UGDH: variants seen among roughly 807,000 people sequenced by gnomAD.
UGDH encodes UDP-Glc dehydrogenase.
Under a neutral mutation model 50.6 loss-of-function variants are expected in UGDH, and 38 were observed. That is an observed-to-expected ratio of 0.75 (90% CI 0.58 to 0.98). The LOEUF is 0.98. UGDH is among the 50% of genes least tolerant of loss of function. The pLI is 0.00. For synonymous variants in UGDH, 168 were observed against 199.9 expected (o/e 0.84, Z 1.35); for missense variants, 465 against 606.2 (o/e 0.77, Z 2.45).
chr4:39,502,922 A>T (rs114898413), intron 11 of UGDH, among the ~76,000 whole-genome samples: 6,104 of 146,786 alleles, frequency 0.042, 169 homozygotes, highest in Middle Eastern at 0.14. Context: ...AATTTTTATT[A>T]TTTTTTTTTC....
chr4:39,503,569 A>G (rs767988055), intron 11 of UGDH, among the ~76,000 whole-genome samples: 13 of 152,178 alleles, frequency 8.5e-5, no homozygotes, highest in Non-Finnish European at 1.9e-4. Context: ...GGGACTTCCT[A>G]AAGAACTGAC....
At chr4:39,517,981 T>G (rs1320481407) in intron 2 of UGDH, among the ~76,000 whole-genome samples, 2 of 152,164 alleles carry the variant, frequency 1.3e-5, no homozygotes, top group Non-Finnish European at 2.9e-5. Context: ...AACGCTGGAG[T>G]GCAGTGGTGC....
At position 39,500,154 on chromosome 4, in the gene UGDH, G is replaced by A; in HGVS notation, c.1474C>T (p.Pro492Ser). The A allele has an allele frequency of 2.5e-6, 4 of 1,574,818 alleles. No individual in the cohort carries two copies. The highest frequency in any genetic ancestry group is 1.2e-5 in the South Asian group (1 of 83,788). ...AAAAATGGCAATCTCTACACTTTAG[G>A]TTTCTTGTTAGGTGGATCTTGAAGA... ...FSLQDPPNKK[P>S]KV Residue 492 changes from proline (P) to serine (S), a missense_variant, in exon 12 of 12, where the codon CCT becomes TCT. Coordinates refer to ENST00000316423, the MANE Select transcript of UGDH (RefSeq NM_003359.4).
Position 39,513,531 on chromosome 4 carries a change from C to CTTT in UGDH, c.264+549_264+551dup, listed in dbSNP as rs10707997. Among the ~76,000 whole-genome samples, 190 of 88,014 alleles carry CTTT rather than the reference C, an allele frequency of 2.2e-3. 2 individuals carry two copies. Among genetic ancestry groups the CTTT allele is most frequent in the African/African-American group, 3.8e-3 (89 of 23,242 alleles). 57.7% of individuals were successfully genotyped at this position (88,014 alleles called of 152,430 possible). ...CTCATGTTACCAGCATTTCCTAGTT[C>CTTT]TTTTTTTTTTTTTTTTTTTTTTTTG... On this transcript the variant is annotated intron_variant, in intron 3 of 11. Transcript: ENST00000316423.
intron 1 of UGDH, 92 bp downstream of exon 1, chr4:39,527,191 C>G (rs904535646): frequency 4.2e-6 from 5 of 1,177,924 alleles, no homozygotes; most frequent in African/African-American, 3.2e-5. Context: ...CCGGGAGCAG[C>G]GCGCACACCC....
chr4:39,520,468 A>C (rs966243431), intron 2 of UGDH, among the ~76,000 whole-genome samples: 1 of 151,216 alleles, frequency 6.6e-6, no homozygotes, highest in South Asian at 2.1e-4. Flanking sequence ...AATATGATGA[A>C]CTCATTTTAC....
In UGDH at chr4:39,510,466, C is replaced by T; in HGVS notation, c.550G>A (p.Glu184Lys). The change falls in exon 5 of 12, where the codon GAA becomes AAA. Residue 184 changes from glutamate to lysine, a missense_variant. Coordinates refer to ENST00000316423, the MANE Select transcript of UGDH (RefSeq NM_003359.4). ...ACAGCTCTCTGGCCCTCTGGAGTTT[C>T]ATCCCCTCCAATCAGTACTCTGTCT... ...NPDRVLIGGDETPEGQRAVQA... is the reference protein window; with the variant it reads ...NPDRVLIGGDKTPEGQRAVQA... 1 of 1,614,218 alleles carries T rather than the reference C, an allele frequency of 6.2e-7. No individual in the cohort carries two copies. The highest frequency in any genetic ancestry group is 8.5e-7 in the Non-Finnish European group (1 of 1,180,038).
In UGDH at chr4:39,502,851, A is replaced by G. The variant is rs1745875333; in HGVS notation, c.1374+1024T>C. Among the ~76,000 whole-genome samples the G allele has an allele frequency of 2.0e-5, 3 of 152,028 alleles. No individual in the cohort carries two copies. The South Asian group carries it at 6.2e-4, about 32-fold the overall frequency. ...AACCTCTGCCTGCTGGGCTCAAGCA[A>G]TCCTCCCACGTCAGCCTCCCATGTG... On this transcript the variant is annotated intron_variant, in intron 11 of 11. Transcript: ENST00000316423.
In UGDH at chr4:39,500,242, A is replaced by G. The variant is rs1227587520; in HGVS notation, c.1386T>C (p.Ile462=). The part of the protein sequence containing the change: ...LQTIGFQIET[I]GKKVSSKRIP... ...TTCTCTTTGAAGACACCTTTTTGCC[A>G]ATTGTTTCAATCTGAAAAAAAAATA... The change falls in exon 12 of 12, where the codon ATT becomes ATC. Residue 462 remains isoleucine, a synonymous_variant. Coordinates refer to ENST00000316423, the MANE Select transcript of UGDH (RefSeq NM_003359.4). 6.3e-7 allele frequency: 1 copy of G among 1,585,014 alleles called. No homozygotes were observed.
intron 1 of UGDH, among the ~76,000 whole-genome samples, chr4:39,523,930 C>G (rs11733220): frequency 6.6e-6 from 1 of 152,280 alleles, no homozygotes; most frequent in Non-Finnish European, 1.5e-5. Context: ...TTGCTATCCC[C>G]TACTTTGCTT....
At chr4:39,502,160 A>G (rs1289137709) in intron 11 of UGDH, among the ~76,000 whole-genome samples, 1 of 152,204 alleles carries the variant, frequency 6.6e-6, no homozygotes, top group Non-Finnish European at 1.5e-5. Flanking sequence ...AATGAGAGAA[A>G]ATGTGTCTAT....
chr4:39,508,886 C>T (rs549523207), intron 6 of UGDH, among the ~76,000 whole-genome samples: 1 of 150,460 alleles, frequency 6.6e-6, no homozygotes, highest in African/African-American at 2.5e-5. Flanking sequence ...ATTATGGCTA[C>T]GTTTAACTTT....
intron 2 of UGDH, among the ~76,000 whole-genome samples, chr4:39,515,489 C>A (rs1746406102): frequency 9.0e-6 from 1 of 111,376 alleles, no homozygotes; most frequent in Non-Finnish European, 1.9e-5. Context: ...TTGCAAGGAA[C>A]CCTTTTATTT....
intron 1 of UGDH, among the ~76,000 whole-genome samples, chr4:39,524,429 A>T (rs1376170289): frequency 6.6e-6 from 1 of 152,000 alleles, no homozygotes; most frequent in Non-Finnish European, 1.5e-5. Flanking sequence ...TGAGATGAAG[A>T]CTTCTGTGTA....
chr4:39,512,796 G>A (rs574635573), intron 3 of UGDH, among the ~76,000 whole-genome samples: 4 of 151,052 alleles, frequency 2.6e-5, no homozygotes, highest in African/African-American at 9.7e-5. Context: ...AAGTGATTAA[G>A]GAGGTCAAAA....
rs1287358288 is a variant in UGDH at position 39,509,853 on chromosome 4, G to T, written c.718C>A (p.Leu240Met). ...ACATCAGCTCCTGTTGCTTCACACA[G>T]AGCACTTATGGAGTTAATGCTGCTT... ...RISSINSISA[L>M]CEATGADVEE... The change falls in exon 6 of 12, where the codon CTG (leucine) becomes ATG (methionine). Residue 240 changes from leucine (L) to methionine (M), a missense_variant. Physicochemically the swap from Leu to Met is conservative, Grantham distance 15. Transcript: ENST00000316423. 6.2e-7 allele frequency: 1 copy of T among 1,612,496 alleles called. No homozygotes were observed. The highest frequency in any genetic ancestry group is 1.7e-5 in the Admixed American group (1 of 59,926).
Position 39,503,901 on chromosome 4 carries a change from T to C in UGDH, c.1348A>G (p.Asn450Asp). The C allele has an allele frequency of 6.2e-7, 1 of 1,614,198 alleles. No individual in the cohort carries two copies. Among genetic ancestry groups the C allele is most frequent in the Non-Finnish European group, 8.5e-7 (1 of 1,180,032 alleles). Residue 450 changes from asparagine to aspartate, a missense_variant, in exon 11 of 12, where the codon AAT becomes GAT. Coordinates refer to ENST00000316423, the MANE Select transcript of UGDH (RefSeq NM_003359.4). ...DGRRVLDGLHNELQTIGFQIE... is the reference protein window; with the variant it reads ...DGRRVLDGLHDELQTIGFQIE... ...TGGAAGCCAATGGTTTGTAGTTCAT[T>C]GTGGAGCCCATCCAGGACACGCCGT...
Position 39,505,664 on chromosome 4 carries a change from T to C in UGDH, c.991A>G (p.Ile331Val). 6.2e-7 allele frequency: 1 copy of C among 1,608,380 alleles called. No individual in the cohort carries two copies. The highest frequency in any genetic ancestry group is 8.5e-7 in the Non-Finnish European group (1 of 1,177,102). Residue 331 changes from isoleucine to valine, a missense_variant, in exon 8 of 12, where the codon ATA (isoleucine) becomes GTA (valine). Physicochemically the swap from Ile to Val is conservative, Grantham distance 29. Transcript: ENST00000316423. ...SLFNTVTDKK[I>V]AILGFAFKKD... ...TTGAATGCAAATCCCAAAATAGCTA[T>C]CTTCTTATCAGTTACTGTATTAAAC...
At chr4:39,517,313 C>T (rs977250364) in intron 2 of UGDH, among the ~76,000 whole-genome samples, 1 of 151,818 alleles carries the variant, frequency 6.6e-6, no homozygotes, top group African/African-American at 2.4e-5. Context: ...AGCGATTCTC[C>T]TGCCTCAGCC....
Sources: gnomAD v4.1 joint callset for allele counts (sites outside exome capture counted in the v4.1 genomes callset) on GRCh38, gnomAD v4.1.1 for gene constraint, MANE v1.5 for transcripts, NCBI Gene and HGNC (gene_info 2026-07-23, HGNC 2026-07-21) for gene names.